ACOT6: variants seen among roughly 807,000 people sequenced by gnomAD.
The protein encoded by ACOT6 is acyl-CoA thioesterase 6.
ACOT6 carries 14 observed loss-of-function variants against 12.3 expected under a neutral mutation model. The observed-to-expected ratio is 1.14, with a 90% CI of 0.75 to 1.78. ACOT6 has a LOEUF of 1.78. ACOT6 is among the 40% of genes most tolerant of loss of function. The probability of loss-of-function intolerance (pLI) is 0.00; values close to 1 mark genes in which losing one functional copy is unlikely to be tolerated. For missense variants in ACOT6, 523 were observed against 551.8 expected (o/e 0.95, Z 0.52); for synonymous variants, 218 against 231.3 (o/e 0.94, Z 0.52).
chr14:73,616,455 G>C (rs1890542803), intron 1 of ACOT6, among the ~76,000 whole-genome samples: 1 of 152,060 alleles, frequency 6.6e-6, no homozygotes, highest in Non-Finnish European at 1.5e-5. Context: ...CACTTTGGGA[G>C]GCCAAGGTGG....
chr14:73,617,237 C>G, intron 2 of ACOT6, 45 bp downstream of exon 2: 4 of 1,613,346 alleles, frequency 2.5e-6, no homozygotes, highest in Non-Finnish European at 3.4e-6. Flanking sequence ...GGGGATAGAG[C>G]TGATGCAGGG....
In ACOT6 at chr14:73,612,993, C is replaced by G. The variant is rs552002452; in HGVS notation, c.422C>G (p.Ala141Gly). 1.9e-6 allele frequency: 2 copies of G among 1,049,464 alleles called. No homozygotes were observed. The highest frequency in any genetic ancestry group is 3.4e-5 in the African/African-American group (2 of 59,428). The allele number at this position is 1,049,464 out of a possible 1,614,324, so 65.0% of individuals were successfully genotyped here. A position where few individuals can be genotyped will look rare whatever the true frequency, so the allele number is the denominator to read the frequency against. ...GGGGTGCGGCGCGAGCCGGTGCGCG[C>G]GGGCCCGGTGCGCGCCGCGCTCTTC... The part of the protein sequence containing the change: ...RPGVRREPVR[A>G]GPVRAALFLP... The change falls in exon 1 of 3, where the codon GCG (alanine) becomes GGG (glycine). Residue 141 changes from alanine (A) to glycine (G), a missense_variant. Physicochemically the swap from Ala to Gly is moderately conservative, Grantham distance 60 (BLOSUM62 0). Around this residue, in one of 2 missense-constraint regions of ACOT6, gnomAD observed 304 missense variants for 274.8 expected, o/e 1.11. Transcript: ENST00000645972.
In ACOT6 at chr14:73,612,764, G is replaced by T; in HGVS notation, c.193G>T (p.Ala65Ser). The T allele has an allele frequency of 7.3e-7, 1 of 1,369,452 alleles. No individual in the cohort carries two copies. Among genetic ancestry groups the T allele is most frequent in the Non-Finnish European group, 9.4e-7 (1 of 1,069,102 alleles). The allele number at this position is 1,369,452 out of a possible 1,614,324, so 84.8% of individuals were successfully genotyped here. A position where few individuals can be genotyped will look rare whatever the true frequency, so the allele number is the denominator to read the frequency against. Residue 65 changes from alanine (A) to serine (S), a missense_variant, in exon 1 of 3, where the codon GCG (alanine) becomes TCG (serine). Coordinates refer to ENST00000645972, the MANE Select transcript of ACOT6 (RefSeq NM_001365788.1). ...CCGCGACGAGCTGGACCTGGAGCGC[G>T]CGCCCGCGCTGGGAGGCAGCTTCGC... is the stretch of plus-strand genomic sequence containing the variant. ...DARDELDLER[A>S]PALGGSFAGL... is the part of the protein sequence containing the mutation.
intron 1 of ACOT6, chr14:73,616,717 A>G (rs957340139): frequency 5.2e-5 from 14 of 269,940 alleles, no homozygotes; most frequent in African/African-American, 2.0e-4. Context: ...TTTAATTTCA[A>G]TACCTTTTGG....
intron 1 of ACOT6, among the ~76,000 whole-genome samples, chr14:73,616,364 C>T (rs754027716): frequency 5.9e-5 from 9 of 151,702 alleles, no homozygotes; most frequent in Non-Finnish European, 8.8e-5. Flanking sequence ...GTCACCCAGG[C>T]TGGAGTGCAG....
chr14:73,615,368 C>G lies in ACOT6; in HGVS notation c.462-1626C>G, dbSNP rs181574752. On this transcript the variant is annotated intron_variant, in intron 1 of 2. Transcript: ENST00000645972. ...CACCACATCACTCCAGCCTGGGCAACAGAGAGAGACTCTGTCTGATAAAAA... is the reference window on the plus strand; with the variant it reads ...CACCACATCACTCCAGCCTGGGCAAGAGAGAGAGACTCTGTCTGATAAAAA... Among the ~76,000 whole-genome samples, 8 of 117,578 alleles carry G rather than the reference C, an allele frequency of 6.8e-5. No individual in the cohort carries two copies. The East Asian group carries it at 2.3e-3, about 34-fold the overall frequency. The allele number at this position is 117,578 out of a possible 152,430, so 77.1% of individuals were successfully genotyped here.
chr14:73,612,217 T>A (rs995289933), upstream of ACOT6, among the ~76,000 whole-genome samples: 1 of 152,080 alleles, frequency 6.6e-6, no homozygotes, highest in African/African-American at 2.4e-5. Context: ...ATTTTGTATT[T>A]TCAGTAGAGA....
At position 73,619,651 on chromosome 14, in the gene ACOT6, C is replaced by T. The variant is rs749007113; in HGVS notation, c.1078C>T (p.His360Tyr). The T allele has an allele frequency of 6.2e-7, 1 of 1,614,172 alleles. No individual in the cohort carries two copies. The highest frequency in any genetic ancestry group is 1.1e-5 in the South Asian group (1 of 91,068). ...PQIICYPETG[H>Y]CIDPPYFPPS... ...GATAATCTGTTACCCAGAAACTGGT[C>T]ACTGTATTGACCCACCTTATTTTCC... The change falls in exon 3 of 3, where the codon CAC becomes TAC. Residue 360 changes from histidine (H) to tyrosine (Y), a missense_variant. This residue lies in a region of ACOT6 where 219 missense variants were observed against 277.0 expected (regional missense o/e 0.79). Transcript: ENST00000645972.
Position 73,612,759 on chromosome 14 carries a change from AGC to A in ACOT6, c.195_196del (p.Pro66ArgfsTer88). 7.3e-7 allele frequency: 1 copy of A among 1,371,092 alleles called. No individual in the cohort carries two copies. The highest frequency in any genetic ancestry group is 9.3e-7 in the Non-Finnish European group (1 of 1,070,426). 84.9% of individuals were successfully genotyped at this position (1,371,092 alleles called of 1,614,324 possible). A position where few individuals can be genotyped will look rare whatever the true frequency, so the allele number is the denominator to read the frequency against. ...GACGCCCGCGACGAGCTGGACCTGG[AGC>A]GCGCGCCCGCGCTGGGAGGCAGCTT... On this transcript the variant is annotated frameshift_variant, in exon 1 of 3. Coordinates refer to ENST00000645972, the MANE Select transcript of ACOT6 (RefSeq NM_001365788.1). LOFTEE classifies it high-confidence loss of function.
In ACOT6 at chr14:73,617,084, T is replaced by C. The variant is rs866169133; in HGVS notation, c.552T>C (p.Ala184=). ...GCCTCCTGGCCGGACATGGTTTTGC[T>C]GTGCTTGCCCTGGCTTATTTCAGAT... ...RASLLAGHGF[A]VLALAYFRFE... The change falls in exon 2 of 3, where the codon GCT becomes GCC. Residue 184 remains alanine, a synonymous_variant. Coordinates refer to ENST00000645972, the MANE Select transcript of ACOT6 (RefSeq NM_001365788.1). The C allele has an allele frequency of 9.2e-5, 140 of 1,525,686 alleles. No individual in the cohort carries two copies. In the Middle Eastern group the frequency reaches 1.7e-3, roughly 19 times the overall value. 94.5% of individuals were successfully genotyped at this position (1,525,686 alleles called of 1,614,324 possible). A position where few individuals can be genotyped will look rare whatever the true frequency, so the allele number is the denominator to read the frequency against.
Position 73,619,882 on chromosome 14 carries a change from C to T in ACOT6, c.*43C>T, listed in dbSNP as rs1478611111. 6.7e-7 allele frequency: 1 copy of T among 1,500,416 alleles called. No homozygotes were observed. Among genetic ancestry groups the T allele is most frequent in the Non-Finnish European group, 8.9e-7 (1 of 1,128,738 alleles). The allele number at this position is 1,500,416 out of a possible 1,614,324, so 92.9% of individuals were successfully genotyped here. A position where few individuals can be genotyped will look rare whatever the true frequency, so the allele number is the denominator to read the frequency against. Reference sequence around the variant, plus strand: ...AGATACCATTAATAAAAATCCTATTCATACAACTTGTGTTGGGTTTTCTTT... The same window carrying T: ...AGATACCATTAATAAAAATCCTATTTATACAACTTGTGTTGGGTTTTCTTT... On this transcript the variant is annotated 3_prime_UTR_variant, in exon 3 of 3. Transcript: ENST00000645972.
chr14:73,612,663 C>T lies in ACOT6; in HGVS notation c.92C>T (p.Pro31Leu), dbSNP rs1890466046. The T allele has an allele frequency of 7.1e-7, 1 of 1,412,894 alleles. No homozygotes were observed. The highest frequency in any genetic ancestry group is 1.5e-5 in the South Asian group (1 of 67,654). 87.5% of individuals were successfully genotyped at this position (1,412,894 alleles called of 1,614,324 possible). A position where few individuals can be genotyped will look rare whatever the true frequency, so the allele number is the denominator to read the frequency against. ...GTGCGCGGCCTGGCCCCGGAGCAGC[C>T]AGTCACGCTGCGCACGTCCCTGCGC... Reference protein sequence around the residue: ...IAVRGLAPEQPVTLRTSLRDE... With the variant: ...IAVRGLAPEQLVTLRTSLRDE... The change falls in exon 1 of 3, where the codon CCA (proline) becomes CTA (leucine). Residue 31 changes from proline to leucine, a missense_variant. Physicochemically the swap from Pro to Leu is moderately conservative, Grantham distance 98. Coordinates refer to ENST00000645972, the MANE Select transcript of ACOT6 (RefSeq NM_001365788.1).
upstream of ACOT6, chr14:73,611,465 G>T (rs1366823199): frequency 6.6e-6 from 1 of 152,118 alleles, no homozygotes; most frequent in Non-Finnish European, 1.5e-5. Context: ...TTTAAATCTT[G>T]CCCATGCCTT....
At chr14:73,618,296 C>T (rs959240465) in intron 2 of ACOT6, among the ~76,000 whole-genome samples, 4 of 152,136 alleles carry the variant, frequency 2.6e-5, no homozygotes, top group African/African-American at 9.7e-5. Flanking sequence ...CCCCACAACC[C>T]CTAGTGCTCT....
At position 73,619,319 on chromosome 14, in the gene ACOT6, C is replaced by T. The variant is rs2140002152; in HGVS notation, c.746C>T (p.Thr249Ile). ...LSMASFLKGI[T>I]ATVLINACVA... is the part of the protein sequence containing the mutation. ...ATGGCTTCTTTCTTGAAGGGCATCA[C>T]AGCCACTGTACTTATCAATGCCTGT... Residue 249 changes from threonine (T) to isoleucine (I), a missense_variant, in exon 3 of 3, where the codon ACA becomes ATA. By Grantham distance (89) the Thr-to-Ile change is moderately conservative. Coordinates refer to ENST00000645972, the MANE Select transcript of ACOT6 (RefSeq NM_001365788.1). 2 of 1,613,778 alleles carry T rather than the reference C, an allele frequency of 1.2e-6. No individual in the cohort carries two copies. The highest frequency in any genetic ancestry group is 2.2e-5 in the East Asian group (1 of 44,886).
chr14:73,619,270 A>G lies in ACOT6; in HGVS notation c.697A>G (p.Lys233Glu). ...GPSIALLGFS[K>E]GGDLCLSMAS... ...TAGTATTGCGCTTCTTGGATTTTCC[A>G]AAGGAGGTGACCTGTGTCTCTCAAT... The change falls in exon 3 of 3, where the codon AAA becomes GAA. Residue 233 changes from lysine (K) to glutamate (E), a missense_variant. Lys to Glu is a moderately conservative substitution (Grantham distance 56). Transcript: ENST00000645972. The G allele has an allele frequency of 1.9e-6, 3 of 1,599,310 alleles. No homozygotes were observed. Among genetic ancestry groups the G allele is most frequent in the Non-Finnish European group, 2.6e-6 (3 of 1,175,524 alleles).
rs1890473713 is a variant in ACOT6, at chr14:73,612,949, G to A, written c.378G>A (p.Lys126=). ...GGCTGCTGTGCCTGGCGCAGAACAA[G>A]CGCGACTTTCTCCGGCCGGGGGTGC... is the stretch of plus-strand genomic sequence containing the variant. The part of the protein sequence containing the change: ...PGRLLCLAQN[K]RDFLRPGVRR... Residue 126 remains lysine, a synonymous_variant, in exon 1 of 3, where the codon AAG becomes AAA. Transcript: ENST00000645972. 2.4e-6 allele frequency: 3 copies of A among 1,275,068 alleles called. No homozygotes were observed. Among genetic ancestry groups the A allele is most frequent in the Non-Finnish European group, 2.1e-6 (2 of 961,030 alleles). The allele number at this position is 1,275,068 out of a possible 1,614,324, so 79.0% of individuals were successfully genotyped here. A position where few individuals can be genotyped will look rare whatever the true frequency, so the allele number is the denominator to read the frequency against.
chr14:73,617,176 T>C lies in ACOT6; in HGVS notation c.644T>C (p.Met215Thr), dbSNP rs771159562. The C allele has an allele frequency of 5.0e-6, 8 of 1,614,080 alleles. No individual in the cohort carries two copies. In the Admixed American group the frequency reaches 1.3e-4, roughly 27 times the overall value. Residue 215 changes from methionine (M) to threonine (T), a missense_variant, in exon 2 of 3, where the codon ATG becomes ACG. By Grantham distance (81) the Met-to-Thr change is moderately conservative. Coordinates refer to ENST00000645972, the MANE Select transcript of ACOT6 (RefSeq NM_001365788.1). ...TACTTTGAAGAAGCCGTGGACTTTA[T>C]GCTGCAGCATCCAAAGGTGCGTTCT... ...LEYFEEAVDF[M>T]LQHPKVKGPS...
Position 73,615,508 on chromosome 14 carries a change from A to G in ACOT6, c.462-1486A>G, listed in dbSNP as rs185307418. Among the ~76,000 whole-genome samples, 411 of 151,538 alleles carry G rather than the reference A, an allele frequency of 2.7e-3. 2 individuals are homozygous for G. The highest frequency in any genetic ancestry group is 9.6e-3 in the African/African-American group (395 of 41,242). On this transcript the variant is annotated intron_variant, in intron 1 of 2. Coordinates refer to ENST00000645972, the MANE Select transcript of ACOT6 (RefSeq NM_001365788.1). ...CACTTCGGGAGGCCAAGGTGGGCGGATCATCTGAGGTCAGGAGTTTGAGAC... is the reference window on the plus strand; with the variant it reads ...CACTTCGGGAGGCCAAGGTGGGCGGGTCATCTGAGGTCAGGAGTTTGAGAC...
Sources: allele counts gnomAD v4.1 joint callset (sites outside exome capture counted in the v4.1 genomes callset), GRCh38; gene constraint gnomAD v4.1.1; regional missense constraint gnomAD v4.1.1; transcripts MANE v1.5; gene names NCBI Gene and HGNC (gene_info 2026-07-23, HGNC 2026-07-21).